The following IGSF5 variants were observed in gnomAD, a reference collection of about 807,000 sequenced individuals.
The protein encoded by IGSF5 is immunoglobulin superfamily member 5, also known as immunoglobulin superfamily 5 like.
A neutral mutation model predicts 39.4 loss-of-function variants in IGSF5; 41 were observed. That is an observed-to-expected ratio of 1.04 (90% confidence interval 0.81 to 1.35). The LOEUF is 1.35. IGSF5 is among the 40% of genes most tolerant of loss of function. The probability of loss-of-function intolerance (pLI) is 0.00; values close to 1 mark genes in which losing one functional copy is unlikely to be tolerated. For missense variants in IGSF5, 487 were observed against 494.6 expected, an observed-to-expected ratio of 0.98 and a Z score of 0.15; for synonymous variants, 183 against 175.3, an observed-to-expected ratio of 1.04 and a Z score of -0.34.
upstream of IGSF5, among the ~76,000 whole-genome samples, chr21:39,741,036 C>T (rs985731311): frequency 1.5e-4 from 23 of 152,164 alleles, no homozygotes; most frequent in Admixed American, 1.5e-3. Context: ...AGGTATGCCA[C>T]GGGTTGCAAA....
At chr21:39,746,416 A>G (rs2079975172) in intron 2 of IGSF5, 118 bp downstream of exon 2, 2 of 591,718 alleles carry the variant, frequency 3.4e-6, no homozygotes, top group Non-Finnish European at 6.1e-6. Flanking sequence ...GGGGTCCCAA[A>G]GGGGGTTGCT....
intron 3 of IGSF5, 139 bp from the exon 4 acceptor site, chr21:39,770,777 C>A (rs759490606): frequency 7.8e-5 from 40 of 512,874 alleles, no homozygotes; most frequent in Non-Finnish European, 1.1e-4. Flanking sequence ...AGAGACACAG[C>A]CTCTTTGGGC....
chr21:39,773,466 T>A (rs1457188587), intron 4 of IGSF5, among the ~76,000 whole-genome samples: 3 of 102,372 alleles, frequency 2.9e-5, no homozygotes, highest in Non-Finnish European at 6.9e-5. Flanking sequence ...TTCCCTCCCC[T>A]TTCTTCCTTT....
At chr21:39,799,686 G>T (rs1409286752) in intron 8 of IGSF5, among the ~76,000 whole-genome samples, 2 of 152,104 alleles carry the variant, frequency 1.3e-5, no homozygotes, top group Non-Finnish European at 2.9e-5. Flanking sequence ...TGCTCACGGT[G>T]GTGCCATGAT....
intron 2 of IGSF5, among the ~76,000 whole-genome samples, chr21:39,760,027 G>T (rs901667369): frequency 1.5e-4 from 23 of 152,246 alleles, no homozygotes; most frequent in African/African-American, 3.6e-4. Flanking sequence ...ATGCAAATTT[G>T]TAATGAATAC....
chr21:39,785,382 T>A (rs996218174), intron 5 of IGSF5, among the ~76,000 whole-genome samples: 1 of 152,194 alleles, frequency 6.6e-6, no homozygotes, highest in African/African-American at 2.4e-5. Flanking sequence ...TGCGGTGTTA[T>A]TTCTGAGGGC....
At chr21:39,726,297 A>C in the IGSF5 span, among the ~76,000 whole-genome samples, 11 of 152,262 alleles carry the variant, frequency 7.2e-5, no homozygotes, top group Admixed American at 2.6e-4. Context: ...ATTAACCAGA[A>C]ATTCAGAAAT....
At chr21:39,721,035 A>G in the IGSF5 span, among the ~76,000 whole-genome samples, 2 of 152,342 alleles carry the variant, frequency 1.3e-5, no homozygotes, top group Middle Eastern at 3.4e-3. Context: ...AGAACGAGAC[A>G]TTTTAAACCA....
chr21:39,723,389 G>A, the IGSF5 span, among the ~76,000 whole-genome samples: 1 of 152,198 alleles, frequency 6.6e-6, no homozygotes, highest in Non-Finnish European at 1.5e-5. Flanking sequence ...GGAATAGAGA[G>A]ATTCTGCTAG....
chr21:39,787,445 G>T (rs1424257496), intron 5 of IGSF5, among the ~76,000 whole-genome samples: 1 of 152,026 alleles, frequency 6.6e-6, no homozygotes, highest in African/African-American at 2.4e-5. Context: ...GGGACAAAAG[G>T]TTGGGGACTT....
chr21:39,769,492 G>C (rs1378828587), intron 3 of IGSF5, among the ~76,000 whole-genome samples: 1 of 122,400 alleles, frequency 8.2e-6, no homozygotes, highest in African/African-American at 3.0e-5. Context: ...AAAAAAAAAA[G>C]AGAAAAGTAA....
In IGSF5 at chr21:39,801,521, C is replaced by T. The variant is rs138697690; in HGVS notation, c.*164C>T. On this transcript the variant is annotated 3_prime_UTR_variant, in exon 9 of 9. Coordinates refer to ENST00000380588, the MANE Select transcript of IGSF5 (RefSeq NM_001080444.2). ...GATACTTGACAGTGAGAGAAGGAAT[C>T]GATTTTCCCAGAGTTCAAAGTAGAA... 1.4e-4 allele frequency: 66 copies of T among 474,594 alleles called. No homozygotes were observed. The highest frequency in any genetic ancestry group is 1.1e-3 in the African/African-American group (57 of 52,142). The allele number at this position is 474,594 out of a possible 1,614,324, so 29.4% of individuals were successfully genotyped here. A position where few individuals can be genotyped will look rare whatever the true frequency, so the allele number is the denominator to read the frequency against.
chr21:39,738,234 A>ACC, the IGSF5 span, among the ~76,000 whole-genome samples: 1 of 152,154 alleles, frequency 6.6e-6, no homozygotes, highest in Non-Finnish European at 1.5e-5. This position sits in a 1 kb window ranked among gnomAD's most constrained non-coding sequence, Gnocchi z 6.4. Context: ...AGGCAAAGGC[A>ACC]CCTCTTTCAT....
rs533983517 is a variant in IGSF5, at chr21:39,792,528, TA to T, written c.1048+437del. On this transcript the variant is annotated intron_variant, in intron 7 of 8. Transcript: ENST00000380588. The stretch of plus-strand genomic sequence containing the variant: ...ATGTACCCTAGAACTTAAAGTATAA[TA>T]AAAAAAATTGTTTTTTCCCCATGCT... Among the ~76,000 whole-genome samples the T allele has an allele frequency of 3.4e-4, 43 of 127,770 alleles. 1 individual carries two copies. Among genetic ancestry groups the T allele is most frequent in the African/African-American group, 9.1e-4 (35 of 38,508 alleles). 83.8% of individuals were successfully genotyped at this position (127,770 alleles called of 152,430 possible).
intron 2 of IGSF5, among the ~76,000 whole-genome samples, chr21:39,760,611 G>T (rs62237171): frequency 5.3e-5 from 8 of 151,570 alleles, no homozygotes; most frequent in African/African-American, 1.9e-4. Context: ...TCACTCTGTC[G>T]TCAGGCTGGA....
chr21:39,759,784 T>A (rs2080052274), intron 2 of IGSF5, among the ~76,000 whole-genome samples: 1 of 151,806 alleles, frequency 6.6e-6, no homozygotes, highest in East Asian at 1.9e-4. Flanking sequence ...GGAGAATTGC[T>A]TGGACCCAGG....
chr21:39,790,793 C>T (rs2086959572), intron 6 of IGSF5, among the ~76,000 whole-genome samples: 4 of 152,186 alleles, frequency 2.6e-5, no homozygotes, highest in Admixed American at 2.6e-4. Context: ...GCAGGTTCCA[C>T]ATCCTCTGAT....
chr21:39,775,282 C>A (rs767076637), intron 4 of IGSF5, among the ~76,000 whole-genome samples: 19 of 152,180 alleles, frequency 1.2e-4, no homozygotes, highest in Non-Finnish European at 2.1e-4. Context: ...AAATTACTTA[C>A]CCTCTCTGAG....
chr21:39,746,962 G>A (rs2079978506), intron 2 of IGSF5, among the ~76,000 whole-genome samples: 2 of 152,310 alleles, frequency 1.3e-5, no homozygotes, highest in East Asian at 3.9e-4. Flanking sequence ...ATGCCCTAAG[G>A]AAGGTCAGCC....
Sources: gnomAD v4.1 joint callset for allele counts (sites outside exome capture counted in the v4.1 genomes callset) on GRCh38, gnomAD v4.1.1 for gene constraint, Gnocchi (gnomAD v3.1) non-coding constraint, MANE v1.5 for transcripts, NCBI Gene and HGNC (gene_info 2026-07-23, HGNC 2026-07-21) for gene names.